Variants in FSIP1 observed in about 807,000 individuals in gnomAD.
FSIP1 encodes the protein fibrous sheath interacting protein 1, also known as fibrous sheath-interacting protein 1.
Under a neutral mutation model 60.9 loss-of-function variants are expected in FSIP1, and 65 were observed. The ratio of observed to expected loss-of-function variants is 1.07; its 90% confidence interval spans 0.87 to 1.31. The LOEUF is 1.31. Among genes scored for constraint, FSIP1 ranks in the 40% most tolerant of loss-of-function variants. The probability of loss-of-function intolerance (pLI) is 0.00; values close to 1 mark genes in which losing one functional copy is unlikely to be tolerated. For synonymous variants in FSIP1, 209 were observed against 221.2 expected (o/e 0.94, Z 0.49); for missense variants, 675 against 665.5 (o/e 1.01, Z -0.16).
chr15:39,744,199 T>C (rs1305361859), intron 5 of FSIP1, among the ~76,000 whole-genome samples: 2 of 152,188 alleles, frequency 1.3e-5, no homozygotes, highest in African/African-American at 4.8e-5. Flanking sequence ...CCTTTGTACT[T>C]TTCCTATGAC....
chr15:39,727,459 C>T (rs919127522), intron 8 of FSIP1, among the ~76,000 whole-genome samples: 5 of 152,182 alleles, frequency 3.3e-5, no homozygotes, highest in African/African-American at 1.2e-4. Flanking sequence ...CTGGAGAAAA[C>T]AAGACCTTAA....
At chr15:39,692,637 T>C (rs1172425708) in intron 10 of FSIP1, among the ~76,000 whole-genome samples, 1 of 152,156 alleles carries the variant, frequency 6.6e-6, no homozygotes, top group African/African-American at 2.4e-5. Context: ...AGGATACTTA[T>C]AATTTAGTGT....
chr15:39,677,122 G>A (rs1027111980), intron 10 of FSIP1, among the ~76,000 whole-genome samples: 3 of 152,088 alleles, frequency 2.0e-5, no homozygotes, highest in Non-Finnish European at 1.5e-5. Flanking sequence ...ACAGAAATAA[G>A]GATATCGAAA....
chr15:39,760,916 T>G (rs913428976), intron 5 of FSIP1, among the ~76,000 whole-genome samples: 2 of 152,184 alleles, frequency 1.3e-5, no homozygotes, highest in Admixed American at 6.5e-5. Flanking sequence ...AATTTAAAAT[T>G]ATTTCAAAAT....
intron 11 of FSIP1, among the ~76,000 whole-genome samples, chr15:39,611,142 A>G (rs1362507556): frequency 6.6e-6 from 1 of 152,246 alleles, no homozygotes; most frequent in Non-Finnish European, 1.5e-5. Flanking sequence ...CAAAACTATT[A>G]AAAACAAATG....
At chr15:39,659,336 A>G (rs1893196486) in intron 10 of FSIP1, among the ~76,000 whole-genome samples, 1 of 152,046 alleles carries the variant, frequency 6.6e-6, no homozygotes. Flanking sequence ...AGGTCAGGAG[A>G]TCGAGACCAT....
At chr15:39,764,006 A>C in intron 4 of FSIP1, 92 bp from the exon 5 acceptor site, 1 of 695,370 alleles carries the variant, frequency 1.4e-6, no homozygotes, top group Non-Finnish European at 2.6e-6. Context: ...CCAATCACAT[A>C]CGTACAAACG....
intron 5 of FSIP1, among the ~76,000 whole-genome samples, chr15:39,756,967 G>C (rs753081744): frequency 7.2e-5 from 11 of 151,988 alleles, no homozygotes; most frequent in Non-Finnish European, 1.5e-4. Flanking sequence ...GAAATACAAT[G>C]TGAACTCTAT....
chr15:39,703,664 G>A lies in FSIP1; in HGVS notation c.1188+9780C>T, dbSNP rs527932279. Among the ~76,000 whole-genome samples the A allele has an allele frequency of 5.3e-5, 8 of 152,300 alleles. No homozygotes were observed. In the South Asian group the frequency reaches 1.7e-3, roughly 32 times the overall value. ...AAACCTAGATGATGGGTTGATAGGT[G>A]TAGCAAACCACCATGGCACATGTAT... is the stretch of plus-strand genomic sequence containing the variant. On this transcript the variant is annotated intron_variant, in intron 10 of 11. Coordinates refer to ENST00000350221, the MANE Select transcript of FSIP1 (RefSeq NM_152597.5).
Position 39,618,236 on chromosome 15 carries a change from TG to T in FSIP1, c.1197del (p.Thr400HisfsTer9), listed in dbSNP as rs2094485150. 1 of 1,601,992 alleles carries T rather than the reference TG, an allele frequency of 6.2e-7. No homozygotes were observed. The highest frequency in any genetic ancestry group is 2.2e-5 in the East Asian group (1 of 44,600). On this transcript the variant is annotated frameshift_variant, in exon 11 of 12. Transcript: ENST00000350221. LOFTEE classifies it high-confidence loss of function. ...AACTGTTCTTCAGAGAGACATGATG[TG>T]GACTCTAACTGATGAAACAAACCAA... ...LKMMKENVLE[S>X]TSCLSEEQLK...
At chr15:39,782,068 T>G (rs1244209427) in intron 1 of FSIP1, among the ~76,000 whole-genome samples, 1 of 152,248 alleles carries the variant, frequency 6.6e-6, no homozygotes, top group Non-Finnish European at 1.5e-5. Flanking sequence ...AGAACACTTA[T>G]GTTTCAAATT....
At chr15:39,608,001 T>C (rs1413013791) in intron 11 of FSIP1, among the ~76,000 whole-genome samples, 1 of 152,192 alleles carries the variant, frequency 6.6e-6, no homozygotes, top group Non-Finnish European at 1.5e-5. Flanking sequence ...ATGCACACTT[T>C]TGTAGAAAGC....
Position 39,600,811 on chromosome 15 carries a change from TAATTC to T in FSIP1, c.*64_*68del, listed in dbSNP as rs1890611317. The T allele has an allele frequency of 8.1e-7, 1 of 1,239,628 alleles. No homozygotes were observed. The highest frequency in any genetic ancestry group is 2.0e-5 in the Admixed American group (1 of 49,698). 76.8% of individuals were successfully genotyped at this position (1,239,628 alleles called of 1,614,324 possible). On this transcript the variant is annotated 3_prime_UTR_variant, in exon 12 of 12. Coordinates refer to ENST00000350221, the MANE Select transcript of FSIP1 (RefSeq NM_152597.5). ...CTGCAGTGCATTCATTGAATTCAAA[TAATTC>T]AATAAGAAATTTAATTTAACTTCAT...
Position 39,634,387 on chromosome 15 carries a change from G to A in FSIP1, c.1189-16142C>T, listed in dbSNP as rs142120919. 4.1e-4 allele frequency among the ~76,000 whole-genome samples: 63 copies of A among 152,144 alleles called. No individual in the cohort carries two copies. The East Asian group carries it at 8.5e-3, about 21-fold the overall frequency. On this transcript the variant is annotated intron_variant, in intron 10 of 11. Transcript: ENST00000350221. ...CAAACAGGGTTTAGTCCACCACTCCGTTAAAACTGCTCTTGTCTATCACAC... is the reference window on the plus strand; with the variant it reads ...CAAACAGGGTTTAGTCCACCACTCCATTAAAACTGCTCTTGTCTATCACAC...
chr15:39,731,396 A>ATAG (rs1896397564), intron 8 of FSIP1, among the ~76,000 whole-genome samples: 1 of 152,222 alleles, frequency 6.6e-6, no homozygotes, highest in African/African-American at 2.4e-5. Context: ...TGATGTCAAT[A>ATAG]CCATATAGCC....
At chr15:39,681,120 T>C (rs1290500223) in intron 10 of FSIP1, among the ~76,000 whole-genome samples, 31 of 151,922 alleles carry the variant, frequency 2.0e-4, no homozygotes, top group Non-Finnish European at 1.3e-4. Flanking sequence ...TCTTCAGGAC[T>C]GTGAAGAAGA....
chr15:39,776,459 A>C lies in FSIP1; in HGVS notation c.66T>G (p.Pro22=), dbSNP rs767317008. The C allele has an allele frequency of 1.6e-5, 26 of 1,613,092 alleles. No individual in the cohort carries two copies. In the Admixed American group the frequency reaches 3.8e-4, roughly 24 times the overall value. Residue 22 remains proline, a synonymous_variant, in exon 2 of 12, where the codon CCT becomes CCG. Transcript: ENST00000350221. ...SKPASNSRIR[P]GSRSSNASLE... is the part of the protein sequence containing the mutation. ...AAGAAGCATTTGAACTTCTGCTCCC[A>C]GGGCGTATTCTTGAATTTGAAGCTG... is the stretch of plus-strand genomic sequence containing the variant.
chr15:39,691,863 C>T (rs1894614401), intron 10 of FSIP1, among the ~76,000 whole-genome samples: 1 of 151,932 alleles, frequency 6.6e-6, no homozygotes, highest in Non-Finnish European at 1.5e-5. Context: ...GGCTTAAAGC[C>T]CTGTGAGGGG....
intron 8 of FSIP1, among the ~76,000 whole-genome samples, chr15:39,736,029 C>T (rs1896595139): frequency 6.6e-6 from 1 of 152,186 alleles, no homozygotes; most frequent in Admixed American, 6.5e-5. Context: ...CTGCCTGAAG[C>T]TGTCTTACAA....
Sources: allele counts gnomAD v4.1 joint callset (sites outside exome capture counted in the v4.1 genomes callset), GRCh38; gene constraint gnomAD v4.1.1; transcripts MANE v1.5; gene names NCBI Gene and HGNC (gene_info 2026-07-23, HGNC 2026-07-21).